The following MIR2052HG variants were observed in gnomAD, a reference collection of about 807,000 sequenced individuals.
The protein encoded by MIR2052HG is MIR2052 host gene.
At chr8:74,623,220 T>C (rs1480967235) in intron 2 of MIR2052HG, among the ~76,000 whole-genome samples, 1 of 152,210 alleles carries the variant, frequency 6.6e-6, no homozygotes, top group East Asian at 1.9e-4. Context: ...CCACAATATA[T>C]ACATACATTA....
At chr8:74,637,978 C>G (rs1432155893) in intron 2 of MIR2052HG, among the ~76,000 whole-genome samples, 1 of 152,076 alleles carries the variant, frequency 6.6e-6, no homozygotes, top group Admixed American at 6.6e-5. Flanking sequence ...TTTAAAGGAG[C>G]TCATATTCTC....
intron 2 of MIR2052HG, among the ~76,000 whole-genome samples, chr8:74,669,603 T>C (rs796692700): frequency 2.0e-5 from 3 of 152,174 alleles, no homozygotes; most frequent in Non-Finnish European, 2.9e-5. Context: ...TACTTACGTA[T>C]CTCATGATCC....
intron 4 of MIR2052HG, chr8:74,752,329 C>T: frequency 6.6e-5 from 18 of 272,908 alleles, no homozygotes; most frequent in South Asian, 1.3e-4. Context: ...GATTAATTTT[C>T]AATTACTAAT....
chr8:74,690,899 G>A (rs951512729), intron 2 of MIR2052HG, among the ~76,000 whole-genome samples: 12 of 151,948 alleles, frequency 7.9e-5, no homozygotes, highest in Admixed American at 7.2e-4. Flanking sequence ...GGAATCTGGG[G>A]TAACATTTAC....
intron 4 of MIR2052HG, chr8:74,752,439 A>G: frequency 2.2e-6 from 1 of 447,682 alleles, no homozygotes; most frequent in Non-Finnish European, 4.5e-6. Flanking sequence ...TTCATGCACT[A>G]GGCCCGCGTT....
At chr8:74,645,312 T>G (rs1808680272) in intron 2 of MIR2052HG, among the ~76,000 whole-genome samples, 2 of 150,514 alleles carry the variant, frequency 1.3e-5, no homozygotes, top group South Asian at 2.1e-4. Context: ...TGAGACGGAG[T>G]TTTGCTCTTG....
At chr8:74,741,162 T>G (rs916006964) in intron 4 of MIR2052HG, among the ~76,000 whole-genome samples, 2 of 152,226 alleles carry the variant, frequency 1.3e-5, no homozygotes, top group African/African-American at 4.8e-5. Context: ...TTTGAATGAT[T>G]TAAAGCCAAG....
At chr8:74,737,895 A>G (rs907674236) in intron 4 of MIR2052HG, among the ~76,000 whole-genome samples, 3 of 152,172 alleles carry the variant, frequency 2.0e-5, no homozygotes, top group Admixed American at 6.6e-5. Context: ...AGCTTTACCT[A>G]CACAAAGCCA....
chr8:74,635,822 A>C (rs1236967786), intron 2 of MIR2052HG, among the ~76,000 whole-genome samples: 1 of 152,170 alleles, frequency 6.6e-6, no homozygotes, highest in Non-Finnish European at 1.5e-5. Context: ...GATTCTTTAG[A>C]GAATTTTTAT....
intron 2 of MIR2052HG, among the ~76,000 whole-genome samples, chr8:74,668,201 T>C (rs1384698800): frequency 1.3e-5 from 2 of 151,716 alleles, no homozygotes; most frequent in Non-Finnish European, 2.9e-5. Context: ...TGCATTTTTT[T>C]CCCTACAGTT....
intron 2 of MIR2052HG, among the ~76,000 whole-genome samples, chr8:74,699,243 C>A (rs1427311756): frequency 6.6e-6 from 1 of 152,098 alleles, no homozygotes; most frequent in African/African-American, 2.4e-5. Flanking sequence ...TTTGATCCAG[C>A]AATCTCAATA....
chr8:74,603,315 C>G, intron 1 of MIR2052HG: 1 of 1,604,276 alleles, frequency 6.2e-7, no homozygotes, highest in Non-Finnish European at 8.5e-7. Flanking sequence ...CACCCGTCTC[C>G]GAGGAAAGCC....
chr8:74,715,417 C>T (rs186465979), intron 4 of MIR2052HG, among the ~76,000 whole-genome samples: 72 of 152,256 alleles, frequency 4.7e-4, no homozygotes, highest in Admixed American at 3.1e-3. Context: ...TTGTCCATGG[C>T]GATTCACAAT....
intron 2 of MIR2052HG, among the ~76,000 whole-genome samples, chr8:74,627,012 C>T (rs1464701201): frequency 1.3e-5 from 2 of 152,204 alleles, no homozygotes; most frequent in Non-Finnish European, 2.9e-5. Flanking sequence ...TCTGGCTGGG[C>T]AGCCATGGTG....
chr8:74,679,627 G>A (rs1809098137), intron 2 of MIR2052HG, among the ~76,000 whole-genome samples: 2 of 151,518 alleles, frequency 1.3e-5, no homozygotes, highest in African/African-American at 4.9e-5. Context: ...CTGGGTTCAA[G>A]CAATTCTACC....
intron 1 of MIR2052HG, among the ~76,000 whole-genome samples, chr8:74,612,118 G>A (rs1808206344): frequency 6.6e-6 from 1 of 152,284 alleles, no homozygotes; most frequent in South Asian, 2.1e-4. Flanking sequence ...TGACACCTTG[G>A]GCAAAAGTGC....
chr8:74,704,459 A>G (rs149695847), intron 4 of MIR2052HG, among the ~76,000 whole-genome samples: 1,602 of 152,196 alleles, frequency 0.011, 16 homozygotes, highest in Non-Finnish European at 0.014. Flanking sequence ...GGAGGGTAGT[A>G]GTCATCTGGC....
chr8:74,719,595 GA>G (rs775214865), intron 4 of MIR2052HG, among the ~76,000 whole-genome samples: 38 of 152,202 alleles, frequency 2.5e-4, no homozygotes, highest in East Asian at 2.3e-3. Flanking sequence ...TTTTAAGTCT[GA>G]AATCACTGAT....
intron 2 of MIR2052HG, among the ~76,000 whole-genome samples, chr8:74,700,207 T>C (rs1053572907): frequency 6.6e-6 from 1 of 152,210 alleles, no homozygotes; most frequent in Non-Finnish European, 1.5e-5. Context: ...TATATGTATG[T>C]GTGTGCATAC....
Sources: allele counts gnomAD v4.1 joint callset (sites outside exome capture counted in the v4.1 genomes callset), GRCh38; gene constraint gnomAD v4.1.1; transcripts MANE v1.5; gene names NCBI Gene and HGNC (gene_info 2026-07-23, HGNC 2026-07-21).